Variants in PAXBP1 observed in about 807,000 individuals in gnomAD.
The protein encoded by PAXBP1 is PAX3 and PAX7 binding protein 1, also known as PAX3- and PAX7-binding protein 1.
In PAXBP1, 44 loss-of-function variants were observed where a neutral mutation model predicts 119.9. That is an observed-to-expected ratio of 0.37 (90% CI 0.29 to 0.47). The LOEUF (loss-of-function observed/expected upper bound fraction) is 0.47, where lower values mean the gene tolerates loss of function less well. PAXBP1 is among the 20% of genes least tolerant of loss of function. The probability of loss-of-function intolerance (pLI) is 0.99; values close to 1 mark genes in which losing one functional copy is unlikely to be tolerated. For missense variants in PAXBP1, 898 were observed against 1,134.1 expected (o/e 0.79, Z 2.99); for synonymous variants, 393 against 406.6 (o/e 0.97, Z 0.40).
rs1301575738 is a variant in PAXBP1 at position 32,771,375 on chromosome 21, G to A, written c.294C>T (p.Asn98=). 6.3e-7 allele frequency: 1 copy of A among 1,583,076 alleles called. No individual in the cohort carries two copies. Among genetic ancestry groups the A allele is most frequent in the Non-Finnish European group, 8.5e-7 (1 of 1,172,566 alleles). The change falls in exon 1 of 18, where the codon AAC becomes AAT. Residue 98 remains asparagine (N), a synonymous_variant. Coordinates refer to ENST00000331923, the MANE Select transcript of PAXBP1 (RefSeq NM_016631.4). ...GLKPRKRPRE[N]KEVPRASLLS... ...GCAGGCTGGCCCGGGGCACCTCTTTGTTCTCGCGAGGCCTCTTGCGCGGCT... is the reference window on the plus strand; with the variant it reads ...GCAGGCTGGCCCGGGGCACCTCTTTATTCTCGCGAGGCCTCTTGCGCGGCT...
intron 3 of PAXBP1, among the ~76,000 whole-genome samples, chr21:32,763,902 G>A (rs1432543758): frequency 3.3e-5 from 5 of 151,416 alleles, no homozygotes; most frequent in African/African-American, 4.9e-5. Context: ...CAGGAGAATC[G>A]CTTGAACCTG....
At chr21:32,769,983 C>T (rs1194243655) in intron 1 of PAXBP1, 41 bp from the exon 2 acceptor site, 4 of 1,429,522 alleles carry the variant, frequency 2.8e-6, no homozygotes, top group Non-Finnish European at 3.8e-6. Context: ...CAACTATTTT[C>T]TGAAAATATT....
intron 1 of PAXBP1, 35 bp from the exon 2 acceptor site, chr21:32,769,977 T>C (rs766011317): frequency 9.7e-6 from 14 of 1,443,778 alleles, no homozygotes; most frequent in Non-Finnish European, 1.3e-5. Context: ...CTGTAGCAAC[T>C]ATTTTCTGAA....
At chr21:32,760,030 G>A in intron 5 of PAXBP1, 36 bp from the exon 6 acceptor site, 1 of 1,526,266 alleles carries the variant, frequency 6.6e-7, no homozygotes. Flanking sequence ...AAATCTGGTA[G>A]TTAAAACTTT....
intron 10 of PAXBP1, 113 bp from the exon 11 acceptor site, chr21:32,748,811 T>A: frequency 3.6e-6 from 3 of 843,706 alleles, no homozygotes; most frequent in Non-Finnish European, 5.3e-6. Context: ...ATACGCTCAT[T>A]AACAAAGGGC....
In PAXBP1 at chr21:32,771,453, C is replaced by T; in HGVS notation, c.216G>A (p.Gly72=). Residue 72 remains glycine, a synonymous_variant, in exon 1 of 18, where the codon GGG becomes GGA. Transcript: ENST00000331923. ...CGGGGAAGCCGCCCCCGGCCTCAGC[C>T]CCGAGGCCCGGGGTCAGCGCGGAAG... The part of the protein sequence containing the change: ...SPPSALTPGL[G]AEAGGGFPGG... 1 of 1,447,082 alleles carries T rather than the reference C, an allele frequency of 6.9e-7. No individual in the cohort carries two copies. The highest frequency in any genetic ancestry group is 1.4e-5 in the South Asian group (1 of 73,652). 89.6% of individuals were successfully genotyped at this position (1,447,082 alleles called of 1,614,324 possible). A position where few individuals can be genotyped will look rare whatever the true frequency, so the allele number is the denominator to read the frequency against.
intron 15 of PAXBP1, among the ~76,000 whole-genome samples, chr21:32,739,679 G>A (rs2043747423): frequency 6.6e-6 from 1 of 151,946 alleles, no homozygotes; most frequent in Non-Finnish European, 1.5e-5. Context: ...GGCTGAGGCG[G>A]GCAGATCACG....
At chr21:32,767,639 C>T (rs1318546295) in intron 2 of PAXBP1, among the ~76,000 whole-genome samples, 7 of 152,162 alleles carry the variant, frequency 4.6e-5, no homozygotes, top group South Asian at 4.1e-4. Context: ...ATAAGTCTCA[C>T]GAGATCTGAT....
At chr21:32,764,614 T>C (rs1277885915) in intron 2 of PAXBP1, 90 bp from the exon 3 acceptor site, 3 of 1,055,188 alleles carry the variant, frequency 2.8e-6, no homozygotes, top group Non-Finnish European at 3.9e-6. Flanking sequence ...TTAAAAATTT[T>C]TTTAATTAAA....
rs1295443542 is a variant in PAXBP1, at chr21:32,745,788, G to GA, written c.1924-71dup. The GA allele has an allele frequency of 2.2e-5, 34 of 1,571,644 alleles. No homozygotes were observed. The Admixed American group carries it at 5.9e-4, about 27-fold the overall frequency. On this transcript the variant is annotated intron_variant, in intron 11 of 17. Transcript: ENST00000331923. ...ATTTCTGCTTCCAGCTATGATAAGA[G>GA]AAACAAGAACTGGATTTAACCTTTG...
chr21:32,751,235 GTTAAAA>G lies in PAXBP1; in HGVS notation c.1508-23_1508-18del, dbSNP rs1327072063. On this transcript the variant is annotated intron_variant, in intron 8 of 17. Transcript: ENST00000331923. ...GAGCTTTGTCTGCAAAACAACAACAGTTAAAATTAAAAGCCATCTTTCAACAATCTT... is the reference window on the plus strand; with the variant it reads ...GAGCTTTGTCTGCAAAACAACAACAGTTAAAAGCCATCTTTCAACAATCTT... The G allele has an allele frequency of 6.2e-7, 1 of 1,610,650 alleles. No individual in the cohort carries two copies. Among genetic ancestry groups the G allele is most frequent in the Non-Finnish European group, 8.5e-7 (1 of 1,177,106 alleles).
chr21:32,755,563 G>A (rs2044030920), intron 7 of PAXBP1: 7 of 423,712 alleles, frequency 1.7e-5, no homozygotes, highest in Non-Finnish European at 2.8e-5. Flanking sequence ...ATAATGTCCA[G>A]TGCCTAGTTA....
intron 7 of PAXBP1, chr21:32,756,357 G>T (rs754190324): frequency 1.9e-6 from 1 of 522,014 alleles, no homozygotes; most frequent in East Asian, 5.5e-5. Flanking sequence ...GCAGCTTCCT[G>T]AACTGAACAG....
In PAXBP1 at chr21:32,758,644, TAAAAAAA is replaced by T. The variant is rs138934420; in HGVS notation, c.1383+429_1383+435del. Among the ~76,000 whole-genome samples the T allele has an allele frequency of 1.3e-4, 14 of 104,070 alleles. No individual in the cohort carries two copies. The East Asian group carries it at 3.4e-3, about 25-fold the overall frequency. 68.3% of individuals were successfully genotyped at this position (104,070 alleles called of 152,430 possible). The stretch of plus-strand genomic sequence containing the variant: ...CAACAATGGTAATCATCATCCAGGG[TAAAAAAA>T]AAAAAAAAAAAAAAACTAATAAAAA... On this transcript the variant is annotated intron_variant, in intron 7 of 17. Coordinates refer to ENST00000331923, the MANE Select transcript of PAXBP1 (RefSeq NM_016631.4).
At chr21:32,747,274 C>A (rs1380598932) in intron 11 of PAXBP1, among the ~76,000 whole-genome samples, 1 of 152,078 alleles carries the variant, frequency 6.6e-6, no homozygotes, top group East Asian at 1.9e-4. Context: ...ATACAATGGA[C>A]CATAGGCAGC....
intron 2 of PAXBP1, 110 bp from the exon 3 acceptor site, chr21:32,764,634 A>C (rs1415878060): frequency 1.3e-6 from 1 of 770,906 alleles, no homozygotes; most frequent in African/African-American, 1.8e-5. Context: ...AAAAAGGGGA[A>C]CTTTTCATTC....
chr21:32,767,634 T>C (rs768332668), intron 2 of PAXBP1, among the ~76,000 whole-genome samples: 43 of 152,164 alleles, frequency 2.8e-4, no homozygotes, highest in Admixed American at 5.2e-4. Context: ...AGTGAATAAG[T>C]CTCACGAGAT....
Position 32,763,918 on chromosome 21 carries a change from C to T in PAXBP1, c.649+430G>A, listed in dbSNP as rs575672784. Among the ~76,000 whole-genome samples, 16 of 145,786 alleles carry T rather than the reference C, an allele frequency of 1.1e-4. No individual in the cohort carries two copies. The South Asian group carries it at 2.3e-3, about 21-fold the overall frequency. Reference sequence around the variant, plus strand: ...AGGAGAATCGCTTGAACCTGGGAGGCGGTGGGTGCAGTGAGCTGAGATCGT... The same window carrying T: ...AGGAGAATCGCTTGAACCTGGGAGGTGGTGGGTGCAGTGAGCTGAGATCGT... On this transcript the variant is annotated intron_variant, in intron 3 of 17. Coordinates refer to ENST00000331923, the MANE Select transcript of PAXBP1 (RefSeq NM_016631.4).
intron 7 of PAXBP1, chr21:32,756,111 C>A: frequency 3.8e-6 from 1 of 260,914 alleles, no homozygotes; most frequent in Non-Finnish European, 7.6e-6. Flanking sequence ...AGGTTAATAT[C>A]CCTAAAGCAT....
Sources: gnomAD v4.1 joint callset for allele counts (sites outside exome capture counted in the v4.1 genomes callset) on GRCh38, gnomAD v4.1.1 for gene constraint, MANE v1.5 for transcripts, NCBI Gene and HGNC (gene_info 2026-07-23, HGNC 2026-07-21) for gene names.